Variants in STOX2 observed in about 807,000 individuals in gnomAD.
STOX2 encodes storkhead-box protein 2.
STOX2 carries 28 observed loss-of-function variants against 60.9 expected under a neutral mutation model. The ratio of observed to expected loss-of-function variants is 0.46; its 90% CI spans 0.34 to 0.63. The LOEUF is 0.63. Among genes scored for constraint, STOX2 ranks in the 30% least tolerant of loss-of-function variants. STOX2 has a pLI of 0.01. For missense variants in STOX2, 1,024 were observed against 1,187.7 expected, an observed-to-expected ratio of 0.86 and a Z score of 2.03; for synonymous variants, 472 against 463.9, an observed-to-expected ratio of 1.02 and a Z score of -0.22.
chr4:184,005,480 A>T (rs994694244), intron 2 of STOX2, among the ~76,000 whole-genome samples: 3 of 111,384 alleles, frequency 2.7e-5, no homozygotes, highest in African/African-American at 8.7e-5. Context: ...AAAAAAATTC[A>T]TAGGTATAAG....
At chr4:183,861,779 A>G (rs576276753) in intron 1 of STOX2, among the ~76,000 whole-genome samples, 7 of 152,222 alleles carry the variant, frequency 4.6e-5, no homozygotes, top group Non-Finnish European at 8.8e-5. Context: ...CATTTTTCCT[A>G]TATTTATGAT....
At chr4:184,008,727 G>GT (rs927680192) in intron 2 of STOX2, among the ~76,000 whole-genome samples, 1 of 152,212 alleles carries the variant, frequency 6.6e-6, no homozygotes, top group African/African-American at 2.4e-5. Flanking sequence ...TGTTAGATAT[G>GT]TTTTTTAATA....
intron 1 of STOX2, among the ~76,000 whole-genome samples, chr4:183,849,461 T>C (rs79379739): frequency 0.028 from 4,198 of 152,258 alleles, 208 homozygotes; most frequent in African/African-American, 0.093. Context: ...TCGTAGGAGA[T>C]ACATACAAGA....
In STOX2 at chr4:183,969,952, A is replaced by C. The variant is rs574212509; in HGVS notation, c.167-31373A>C. Reference sequence around the variant, plus strand: ...TGCAGGTTTTAGGTGTTAAATTTACATATCTTGTGTTGGGGAAACTATTGA... The same window carrying C: ...TGCAGGTTTTAGGTGTTAAATTTACCTATCTTGTGTTGGGGAAACTATTGA... On this transcript the variant is annotated intron_variant, in intron 1 of 3. Coordinates refer to ENST00000308497, the MANE Select transcript of STOX2 (RefSeq NM_020225.3). Among the ~76,000 whole-genome samples, 4 of 152,192 alleles carry C rather than the reference A, an allele frequency of 2.6e-5. No homozygotes were observed. The South Asian group carries it at 8.3e-4, about 32-fold the overall frequency.
At chr4:183,929,053 C>T (rs1312359947) in intron 1 of STOX2, among the ~76,000 whole-genome samples, 2 of 152,196 alleles carry the variant, frequency 1.3e-5, no homozygotes, top group Non-Finnish European at 2.9e-5. Context: ...GAGTATGTTT[C>T]ACTTGCCGTC....
At chr4:183,929,748 C>T (rs1560888159) in intron 1 of STOX2, among the ~76,000 whole-genome samples, 1 of 152,116 alleles carries the variant, frequency 6.6e-6, no homozygotes, top group South Asian at 2.1e-4. Flanking sequence ...GACAAGCTCC[C>T]GGTTAAACGT....
chr4:183,830,334 T>C (rs892963207), intron 1 of STOX2, among the ~76,000 whole-genome samples: 2 of 152,190 alleles, frequency 1.3e-5, no homozygotes, highest in Non-Finnish European at 2.9e-5. Context: ...GTTTTTACAC[T>C]CTCAGTCGAC....
intron 1 of STOX2, among the ~76,000 whole-genome samples, chr4:183,875,491 C>A (rs921299337): frequency 6.6e-6 from 1 of 152,156 alleles, no homozygotes; most frequent in Admixed American, 6.5e-5. Context: ...CTGTGATAGT[C>A]GGGACTGTGT....
intron 1 of STOX2, chr4:183,988,882 A>G (rs11723466): frequency 6.5e-6 from 1 of 152,680 alleles, no homozygotes; most frequent in Non-Finnish European, 1.5e-5. Flanking sequence ...AAATGTCAGC[A>G]CCACCCGTGA....
rs17365239 is a variant in STOX2 at position 184,011,370 on chromosome 4, C to G, written c.2532C>G (p.Leu844=). 23 of 1,613,650 alleles carry G rather than the reference C, an allele frequency of 1.4e-5. No individual in the cohort carries two copies. The highest frequency in any genetic ancestry group is 1.4e-5 in the Non-Finnish European group (16 of 1,179,822). ...AGAGAGCCACCCATTCAGCCCGGCTCGACAGCATGGACAGCAGCAGCATCA... is the reference window on the plus strand; with the variant it reads ...AGAGAGCCACCCATTCAGCCCGGCTGGACAGCATGGACAGCAGCAGCATCA... ...SNQRATHSAR[L]DSMDSSSITV... The change falls in exon 3 of 4, where the codon CTC becomes CTG. Residue 844 remains leucine, a synonymous_variant. Transcript: ENST00000308497. The surrounding 1 kb of genome is among the most constrained non-coding windows in gnomAD (Gnocchi z 4.4).
chr4:183,994,411 C>T (rs1733243515), intron 1 of STOX2, among the ~76,000 whole-genome samples: 1 of 152,114 alleles, frequency 6.6e-6, no homozygotes, highest in African/African-American at 2.4e-5. Flanking sequence ...ATGATGAAGC[C>T]TTTATTGTAA....
At chr4:183,822,662 C>T (rs564932429) in intron 1 of STOX2, among the ~76,000 whole-genome samples, 2 of 152,306 alleles carry the variant, frequency 1.3e-5, no homozygotes, top group South Asian at 2.1e-4. Context: ...GCCATCTGAG[C>T]GATGGGGAGC....
Position 183,951,163 on chromosome 4 carries a change from C to G in STOX2, c.166+44207C>G, listed in dbSNP as rs541254292. Reference sequence around the variant, plus strand: ...CCGGGAGGTGGAGCTTGCAGTGAGCCGAGATCGCGCCACTGCACTCCAGCC... The same window carrying G: ...CCGGGAGGTGGAGCTTGCAGTGAGCGGAGATCGCGCCACTGCACTCCAGCC... On this transcript the variant is annotated intron_variant, in intron 1 of 3. Transcript: ENST00000308497. 4.2e-4 allele frequency among the ~76,000 whole-genome samples: 62 copies of G among 149,250 alleles called. No individual in the cohort carries two copies. The South Asian group carries it at 9.6e-3, about 23-fold the overall frequency.
At chr4:183,875,193 G>T (rs1200917233) in intron 1 of STOX2, among the ~76,000 whole-genome samples, 1 of 151,504 alleles carries the variant, frequency 6.6e-6, no homozygotes, top group Non-Finnish European at 1.5e-5. Flanking sequence ...TATTATTACA[G>T]GGTGATGGGG....
Position 184,009,882 on chromosome 4 carries a change from G to T in STOX2, c.1044G>T (p.Gly348=). 1 of 1,612,064 alleles carries T rather than the reference G, an allele frequency of 6.2e-7. No homozygotes were observed. Among genetic ancestry groups the T allele is most frequent in the Non-Finnish European group, 8.5e-7 (1 of 1,179,060 alleles). ...EEEKAQRSKA[G]SSAHHSGRSK... is the part of the protein sequence containing the mutation. ...AAAAGGCCCAGAGGAGTAAAGCCGGGTCCTCTGCCCATCACAGCGGAAGGA... is the reference window on the plus strand; with the variant it reads ...AAAAGGCCCAGAGGAGTAAAGCCGGTTCCTCTGCCCATCACAGCGGAAGGA... The change falls in exon 3 of 4, where the codon GGG becomes GGT. Residue 348 remains glycine, a synonymous_variant. Transcript: ENST00000308497. This position sits in a 1 kb window ranked among gnomAD's most constrained non-coding sequence, Gnocchi z 4.0.
At position 183,865,044 on chromosome 4, in the gene STOX2, C is replaced by T. The variant is rs1740532598; in HGVS notation, c.364+66989C>T. On this transcript the variant is annotated intron_variant, in intron 1 of 2. Transcript: ENST00000513034. The surrounding 1 kb of genome is among the most constrained non-coding windows in gnomAD (Gnocchi z 4.1). ...GTTACCCTGGGAACACCTTCCTGAC[C>T]ATCACAATCCACAAAGAATCTCTCT... Among the ~76,000 whole-genome samples the T allele has an allele frequency of 6.6e-6, 1 of 152,178 alleles. No homozygotes were observed. The highest frequency in any genetic ancestry group is 6.5e-5 in the Admixed American group (1 of 15,288).
chr4:183,976,850 T>C (rs1305633316), intron 1 of STOX2, among the ~76,000 whole-genome samples: 1 of 152,108 alleles, frequency 6.6e-6, no homozygotes, highest in Non-Finnish European at 1.5e-5. Flanking sequence ...TTCTATCCAT[T>C]GGAATAAGGT....
rs1740036963 is a variant in STOX2, at chr4:183,848,505, A to G, written c.364+50450A>G. ...CTGGCCAAAAGAAGAGATTACCATG[A>G]CAAGTCTGTGATTCTTCTGTCAGGG... On this transcript the variant is annotated intron_variant, in intron 1 of 2. Coordinates refer to the STOX2 transcript ENST00000513034. 3.3e-5 allele frequency among the ~76,000 whole-genome samples: 5 copies of G among 152,220 alleles called. No homozygotes were observed. In the South Asian group the frequency reaches 8.3e-4, roughly 25 times the overall value.
At chr4:183,990,289 T>C (rs900149938) in intron 1 of STOX2, among the ~76,000 whole-genome samples, 4 of 152,232 alleles carry the variant, frequency 2.6e-5, no homozygotes, top group African/African-American at 9.6e-5. Flanking sequence ...CAACAGGAGG[T>C]CATTTCTAAA....
Sources: allele counts gnomAD v4.1 joint callset (sites outside exome capture counted in the v4.1 genomes callset), GRCh38; gene constraint gnomAD v4.1.1; non-coding constraint Gnocchi (gnomAD v3.1); transcripts MANE v1.5; gene names NCBI Gene and HGNC (gene_info 2026-07-23, HGNC 2026-07-21).